The following LGSN variants were observed in gnomAD, a reference collection of about 807,000 sequenced individuals.
LGSN encodes the protein lengsin, lens protein with glutamine synthetase domain, also known as lengsin.
A neutral mutation model predicts 19.5 loss-of-function variants in LGSN; 21 were observed. The observed-to-expected ratio is 1.07, with a 90% CI of 0.76 to 1.55. LGSN has a LOEUF of 1.55. Among genes scored for constraint, LGSN ranks in the 40% most tolerant of loss-of-function variants. The pLI is 0.00. For synonymous variants in LGSN, 257 were observed against 215.6 expected (o/e 1.19, Z -1.68); for missense variants, 673 against 608.5 (o/e 1.11, Z -1.12).
At chr6:63,294,336 A>C (rs1219032724) in intron 2 of LGSN, among the ~76,000 whole-genome samples, 3 of 152,024 alleles carry the variant, frequency 2.0e-5, no homozygotes, top group Admixed American at 6.6e-5. Context: ...CTCTGTCTCA[A>C]AAAAATAAAT....
chr6:63,304,907 A>C (rs9352774), intron 1 of LGSN, among the ~76,000 whole-genome samples: 15,684 of 152,172 alleles, frequency 0.1, 1,220 homozygotes, highest in Admixed American at 0.23. Flanking sequence ...AAAACCCAAA[A>C]TAATGGTAAT....
the LGSN span, among the ~76,000 whole-genome samples, chr6:63,512,231 T>C: frequency 6.6e-6 from 1 of 152,088 alleles, no homozygotes; most frequent in Non-Finnish European, 1.5e-5. Context: ...TACAGGCATG[T>C]GCCACAGCTG....
At chr6:63,541,186 A>C in the LGSN span, among the ~76,000 whole-genome samples, 2 of 152,178 alleles carry the variant, frequency 1.3e-5, no homozygotes, top group African/African-American at 4.8e-5. Flanking sequence ...GAAAACAATC[A>C]AAGCAGGTTT....
At chr6:63,480,986 T>TATATACAC in the LGSN span, among the ~76,000 whole-genome samples, 29 of 44,064 alleles carry the variant, frequency 6.6e-4, no homozygotes, top group Non-Finnish European at 1.4e-3. Context: ...TATATATATA[T>TATATACAC]ACACACACAC....
the LGSN span, among the ~76,000 whole-genome samples, chr6:63,381,250 A>G: frequency 2.0e-5 from 3 of 152,328 alleles, no homozygotes; most frequent in South Asian, 6.2e-4. Context: ...GATGCCAAAT[A>G]AAACATATGG....
At chr6:63,470,413 G>A in the LGSN span, among the ~76,000 whole-genome samples, 1 of 151,350 alleles carries the variant, frequency 6.6e-6, no homozygotes, top group Non-Finnish European at 1.5e-5. Context: ...GGCGGAGGTT[G>A]CAGTGAGCAG....
At chr6:63,416,574 T>C in the LGSN span, among the ~76,000 whole-genome samples, 1 of 152,066 alleles carries the variant, frequency 6.6e-6, no homozygotes, top group Non-Finnish European at 1.5e-5. Flanking sequence ...TTTTTTGTTG[T>C]TGTTGTTTTT....
the LGSN span, among the ~76,000 whole-genome samples, chr6:63,458,311 C>T: frequency 1.3e-5 from 2 of 152,188 alleles, no homozygotes; most frequent in African/African-American, 4.8e-5. Context: ...AGGTGATCCA[C>T]CCACCTCGGC....
chr6:63,454,123 T>C, the LGSN span, among the ~76,000 whole-genome samples: 4 of 152,208 alleles, frequency 2.6e-5, no homozygotes, highest in Non-Finnish European at 4.4e-5. Flanking sequence ...TTCTCAAATA[T>C]GTTCAGATTT....
chr6:63,543,986 TG>T, the LGSN span, among the ~76,000 whole-genome samples: 1 of 152,232 alleles, frequency 6.6e-6, no homozygotes. Context: ...CAGAGTTTAA[TG>T]AACTTTCAGA....
chr6:63,432,466 T>C, the LGSN span, among the ~76,000 whole-genome samples: 1 of 151,736 alleles, frequency 6.6e-6, no homozygotes, highest in African/African-American at 2.4e-5. Context: ...CAGAGGCAGG[T>C]GGATCACCAG....
the LGSN span, among the ~76,000 whole-genome samples, chr6:63,500,431 T>G: frequency 6.6e-6 from 1 of 152,164 alleles, no homozygotes; most frequent in Non-Finnish European, 1.5e-5. Context: ...TAATTAATTT[T>G]TTTTTTTGAG....
At chr6:63,505,633 G>GAAAGAAAGAAAGAAAGAAAT in the LGSN span, among the ~76,000 whole-genome samples, 49 of 97,216 alleles carry the variant, frequency 5.0e-4, 6 homozygotes, top group African/African-American at 8.1e-4. Context: ...AAGAAAGAAA[G>GAAAGAAAGAAAGAAAGAAAT]AAATTCTGGC....
chr6:63,543,564 T>G, the LGSN span, among the ~76,000 whole-genome samples: 1 of 152,236 alleles, frequency 6.6e-6, no homozygotes, highest in Non-Finnish European at 1.5e-5. Context: ...TATGTATTCA[T>G]AAGGCAGAGT....
At chr6:63,488,606 A>T in the LGSN span, among the ~76,000 whole-genome samples, 12 of 152,282 alleles carry the variant, frequency 7.9e-5, no homozygotes, top group Admixed American at 4.6e-4. Flanking sequence ...ATGGAATTAG[A>T]GGTGTGAATT....
the LGSN span, among the ~76,000 whole-genome samples, chr6:63,520,671 A>G: frequency 1.3e-5 from 2 of 150,640 alleles, no homozygotes; most frequent in Admixed American, 1.3e-4. Context: ...ATAAATAAAT[A>G]AAATGAAAAT....
At chr6:63,429,814 GCTC>G in the LGSN span, among the ~76,000 whole-genome samples, 2 of 151,418 alleles carry the variant, frequency 1.3e-5, no homozygotes, top group African/African-American at 4.9e-5. Context: ...AGAGACCCAA[GCTC>G]CTCCTATCAT....
the LGSN span, chr6:63,550,247 G>A: frequency 6.6e-6 from 1 of 152,092 alleles, no homozygotes; most frequent in African/African-American, 2.4e-5. Flanking sequence ...TGCAATTAAT[G>A]GCAGTGTGAA....
At chr6:63,534,230 G>A in the LGSN span, among the ~76,000 whole-genome samples, 1 of 152,064 alleles carries the variant, frequency 6.6e-6, no homozygotes, top group Non-Finnish European at 1.5e-5. Context: ...TAAAAAAAAA[G>A]TTTTACTTTG....
Sources: allele counts gnomAD v4.1 joint callset (sites outside exome capture counted in the v4.1 genomes callset), GRCh38; gene constraint gnomAD v4.1.1; transcripts MANE v1.5; gene names NCBI Gene and HGNC (gene_info 2026-07-23, HGNC 2026-07-21).